Variants in DOK6 observed in about 807,000 individuals in gnomAD.
DOK6 encodes the protein docking protein 6, also known as downstream of tyrosine kinase 6.
DOK6 carries 22 observed loss-of-function variants against 44.0 expected under a neutral mutation model. That is an observed-to-expected ratio of 0.50 (90% CI 0.36 to 0.71). The LOEUF (loss-of-function observed/expected upper bound fraction) is 0.71. DOK6 is among the 30% of genes least tolerant of loss of function. The pLI, the probability that DOK6 is intolerant of heterozygous loss-of-function variation, is 0.00. For missense variants in DOK6, 340 were observed against 416.4 expected (o/e 0.82, Z 1.60); for synonymous variants, 166 against 145.5 (o/e 1.14, Z -1.01).
chr18:69,447,988 G>A (rs1391093610), intron 1 of DOK6, among the ~76,000 whole-genome samples: 1 of 152,158 alleles, frequency 6.6e-6, no homozygotes, highest in Non-Finnish European at 1.5e-5. Context: ...TAGTCATTCA[G>A]GGAGCTTTGA....
In DOK6 at chr18:69,525,692, G is replaced by A. The variant is rs1822267; in HGVS notation, c.67-38795G>A. 4.9e-3 allele frequency among the ~76,000 whole-genome samples: 747 copies of A among 151,326 alleles called. 4 individuals carry two copies. The highest frequency in any genetic ancestry group is 0.017 in the African/African-American group (712 of 41,466). On this transcript the variant is annotated intron_variant, in intron 1 of 7. Transcript: ENST00000382713. ...AGAGAGTGAATATTTTGGACTTTAT[G>A]GATCATAAAGTCTCTTTTACAGCTA...
chr18:69,759,551 A>G (rs1175341604), intron 7 of DOK6, among the ~76,000 whole-genome samples: 1 of 152,038 alleles, frequency 6.6e-6, no homozygotes, highest in Non-Finnish European at 1.5e-5. Flanking sequence ...GAAAATAAAA[A>G]CTCTTGTTTT....
At chr18:69,476,821 C>G (rs1980278844) in intron 1 of DOK6, among the ~76,000 whole-genome samples, 1 of 152,304 alleles carries the variant, frequency 6.6e-6, no homozygotes, top group East Asian at 1.9e-4. Context: ...TTTCTCAGAA[C>G]CCAATTGGAA....
intron 4 of DOK6, among the ~76,000 whole-genome samples, chr18:69,683,817 T>C (rs1191856144): frequency 6.6e-6 from 1 of 152,210 alleles, no homozygotes; most frequent in Non-Finnish European, 1.5e-5. Flanking sequence ...ATAGTCACAA[T>C]ATACATTAGT....
intron 2 of DOK6, among the ~76,000 whole-genome samples, chr18:69,594,273 C>T (rs1983689699): frequency 6.6e-6 from 1 of 151,622 alleles, no homozygotes; most frequent in Non-Finnish European, 1.5e-5. Flanking sequence ...CATGTACACA[C>T]ATACACACAC....
chr18:69,435,382 G>A (rs1978948070), intron 1 of DOK6, among the ~76,000 whole-genome samples: 1 of 152,120 alleles, frequency 6.6e-6, no homozygotes, highest in Admixed American at 6.5e-5. Flanking sequence ...GATAAAATAT[G>A]GGTCTTTCTA....
intron 1 of DOK6, among the ~76,000 whole-genome samples, chr18:69,555,774 G>T (rs1355093620): frequency 6.6e-6 from 1 of 152,144 alleles, no homozygotes; most frequent in Non-Finnish European, 1.5e-5. Flanking sequence ...TTCATATTAT[G>T]CAATCATTGG....
chr18:69,616,399 C>T (rs1187556302), intron 3 of DOK6, among the ~76,000 whole-genome samples: 1 of 151,956 alleles, frequency 6.6e-6, no homozygotes, highest in South Asian at 2.1e-4. Context: ...CTAGCTGGCC[C>T]TGTGCTCCTT....
intron 1 of DOK6, among the ~76,000 whole-genome samples, chr18:69,504,637 T>C (rs1297747453): frequency 1.3e-5 from 2 of 152,176 alleles, no homozygotes; most frequent in Non-Finnish European, 2.9e-5. Context: ...TAGCAGTCTA[T>C]GCAAAAAGAA....
intron 2 of DOK6, among the ~76,000 whole-genome samples, chr18:69,569,940 C>G (rs1983073940): frequency 6.6e-6 from 1 of 151,830 alleles, no homozygotes. Flanking sequence ...AATGCAGGAA[C>G]AGAAAAACCA....
intron 3 of DOK6, among the ~76,000 whole-genome samples, chr18:69,650,174 A>T (rs1985185563): frequency 6.6e-6 from 1 of 152,022 alleles, no homozygotes; most frequent in Non-Finnish European, 1.5e-5. Context: ...AAATTTTAGG[A>T]TTTTCTATGA....
chr18:69,772,993 G>T (rs1268724353), intron 7 of DOK6, among the ~76,000 whole-genome samples: 6 of 151,752 alleles, frequency 4.0e-5, no homozygotes, highest in Non-Finnish European at 8.8e-5. Flanking sequence ...CAACTCAATA[G>T]CAAAAAACAC....
At chr18:69,805,720 A>T (rs1225231429) in intron 7 of DOK6, among the ~76,000 whole-genome samples, 1 of 152,118 alleles carries the variant, frequency 6.6e-6, no homozygotes, top group Non-Finnish European at 1.5e-5. Flanking sequence ...AATGTAAAGC[A>T]TATATATGAT....
chr18:69,762,845 T>C (rs770470131), intron 7 of DOK6, among the ~76,000 whole-genome samples: 43 of 152,188 alleles, frequency 2.8e-4, no homozygotes, highest in Admixed American at 2.5e-3. Context: ...CACGTAAAGA[T>C]TGACATAGCA....
intron 3 of DOK6, among the ~76,000 whole-genome samples, chr18:69,628,969 A>G (rs1419799831): frequency 6.6e-6 from 1 of 152,238 alleles, no homozygotes; most frequent in Non-Finnish European, 1.5e-5. Flanking sequence ...TCAGCAAAAG[A>G]GCCCAGCTTA....
At position 69,694,058 on chromosome 18, in the gene DOK6, C is replaced by CAAAAAA. The variant is rs60662789; in HGVS notation, c.410-4319_410-4314dup. On this transcript the variant is annotated intron_variant, in intron 4 of 7. Coordinates refer to ENST00000382713, the MANE Select transcript of DOK6 (RefSeq NM_152721.6). ...TGGGCGACAGAGCGAGACTCCGTGT[C>CAAAAAA]AAAAAAAAAAAAAAAAAAAAAAAAA... Among the ~76,000 whole-genome samples, 53 of 62,006 alleles carry CAAAAAA rather than the reference C, an allele frequency of 8.5e-4. 1 individual carries two copies. The highest frequency in any genetic ancestry group is 2.8e-3 in the East Asian group (4 of 1,436). The allele number at this position is 62,006 out of a possible 152,430, so 40.7% of individuals were successfully genotyped here.
chr18:69,683,332 T>C (rs531374858), intron 4 of DOK6, among the ~76,000 whole-genome samples: 4 of 152,332 alleles, frequency 2.6e-5, no homozygotes, highest in Non-Finnish European at 4.4e-5. Context: ...TGTATCACAA[T>C]TGTGTCCCTT....
intron 3 of DOK6, among the ~76,000 whole-genome samples, chr18:69,651,506 T>TA (rs1182864723): frequency 1.4e-5 from 2 of 144,562 alleles, no homozygotes; most frequent in Admixed American, 1.4e-4. Flanking sequence ...TTTTTTTTTT[T>TA]AAGACAGAGT....
chr18:69,694,092 T>G (rs1259778514), intron 4 of DOK6, among the ~76,000 whole-genome samples: 1 of 125,438 alleles, frequency 8.0e-6, no homozygotes, highest in East Asian at 2.5e-4. Context: ...AAAAAAAAAT[T>G]GATCTATTTA....
Sources: gnomAD v4.1 joint callset for allele counts (sites outside exome capture counted in the v4.1 genomes callset) on GRCh38, gnomAD v4.1.1 for gene constraint, MANE v1.5 for transcripts, NCBI Gene and HGNC (gene_info 2026-07-23, HGNC 2026-07-21) for gene names.